Variants in GPHN observed in about 807,000 individuals in gnomAD.
GPHN encodes the protein gephyrin.
In GPHN, 17 loss-of-function variants were observed where a neutral mutation model predicts 95.5. The ratio of observed to expected loss-of-function variants is 0.18; its 90% CI spans 0.12 to 0.27. The LOEUF (loss-of-function observed/expected upper bound fraction) is 0.27. Among genes scored for constraint, GPHN ranks in the 10% least tolerant of loss-of-function variants. GPHN has a pLI of 1.00. For synonymous variants in GPHN, 320 were observed against 322.5 expected (o/e 0.99, Z 0.08); for missense variants, 660 against 978.1 (o/e 0.67, Z 4.34).
At chr14:66,659,682 T>G (rs1232572198) in intron 1 of GPHN, among the ~76,000 whole-genome samples, 1 of 152,136 alleles carries the variant, frequency 6.6e-6, no homozygotes, top group East Asian at 1.9e-4. Flanking sequence ...TGCCTCTCTG[T>G]CTCTGGTAAT....
chr14:66,709,585 T>A, intron 2 of GPHN: 1 of 328,896 alleles, frequency 3.0e-6, no homozygotes, highest in South Asian at 2.4e-5. Context: ...GGCACATAAT[T>A]TAAAACCTAA....
chr14:67,288,495 T>G, the GPHN span, among the ~76,000 whole-genome samples: 1 of 152,204 alleles, frequency 6.6e-6, no homozygotes, highest in Non-Finnish European at 1.5e-5. Flanking sequence ...AGTTATAGAC[T>G]CCATCTTTAC....
chr14:67,595,162 A>T, the GPHN span, among the ~76,000 whole-genome samples: 2 of 152,182 alleles, frequency 1.3e-5, no homozygotes, highest in Admixed American at 6.5e-5. Context: ...AAAAAAATAA[A>T]AAAGAACACT....
At chr14:67,146,652 C>A (rs958408131) in intron 18 of GPHN, among the ~76,000 whole-genome samples, 1 of 152,150 alleles carries the variant, frequency 6.6e-6, no homozygotes, top group African/African-American at 2.4e-5. Context: ...ATGAGGTTTG[C>A]CCAGTTATTT....
chr14:67,317,674 A>G, the GPHN span, among the ~76,000 whole-genome samples: 1 of 152,332 alleles, frequency 6.6e-6, no homozygotes, highest in Admixed American at 6.5e-5. Flanking sequence ...ACTATTTAGC[A>G]TATGTAGTAT....
chr14:67,418,037 TG>T, the GPHN span, among the ~76,000 whole-genome samples: 1 of 152,198 alleles, frequency 6.6e-6, no homozygotes, highest in East Asian at 1.9e-4. Flanking sequence ...TGAGCCACCA[TG>T]CCCGGCCTGG....
At chr14:66,510,595 T>C (rs2139673457) in intron 1 of GPHN, among the ~76,000 whole-genome samples, 1 of 152,290 alleles carries the variant, frequency 6.6e-6, no homozygotes, top group South Asian at 2.1e-4. Context: ...GAGTTTGGGG[T>C]TAACTGCAAA....
chr14:66,989,893 A>C (rs2071288429), intron 9 of GPHN, among the ~76,000 whole-genome samples: 1 of 152,192 alleles, frequency 6.6e-6, no homozygotes, highest in Non-Finnish European at 1.5e-5. Flanking sequence ...AAAATGAAGT[A>C]AATTGGCATT....
At chr14:67,578,189 C>G in the GPHN span, 5 of 1,613,392 alleles carry the variant, frequency 3.1e-6, no homozygotes, top group African/African-American at 2.7e-5. The surrounding 1 kb of genome is among the most constrained non-coding windows in gnomAD (Gnocchi z 5.0). Flanking sequence ...CAGAAGTACT[C>G]CCTCATGCAG....
chr14:66,845,819 CTGTGTGTGTGTG>C lies in GPHN; in HGVS notation c.294+21283_294+21294del, dbSNP rs367997271. ...TTAGGTAATGTGCACATACATGCCT[CTGTGTGTGTGTG>C]TGTGTGTGTGTGTGTGTGTGTGTGT... On this transcript the variant is annotated intron_variant, in intron 4 of 22. Coordinates refer to ENST00000478722, the MANE Select transcript of GPHN (RefSeq NM_020806.5). Among the ~76,000 whole-genome samples, 204 of 143,402 alleles carry C rather than the reference CTGTGTGTGTGTG, an allele frequency of 1.4e-3. 2 individuals are homozygous for C. The highest frequency in any genetic ancestry group is 4.9e-3 in the African/African-American group (194 of 39,262). The allele number at this position is 143,402 out of a possible 152,430, so 94.1% of individuals were successfully genotyped here. A position where few individuals can be genotyped will look rare whatever the true frequency, so the allele number is the denominator to read the frequency against.
At chr14:67,328,257 T>C in the GPHN span, among the ~76,000 whole-genome samples, 3 of 152,262 alleles carry the variant, frequency 2.0e-5, no homozygotes, top group African/African-American at 7.2e-5. Flanking sequence ...TTTTCATGTG[T>C]CTGTTGGCTG....
chr14:66,611,724 A>G (rs1161312792), intron 1 of GPHN, among the ~76,000 whole-genome samples: 1 of 152,136 alleles, frequency 6.6e-6, no homozygotes, highest in Non-Finnish European at 1.5e-5. Flanking sequence ...ATGTAACTTG[A>G]TATTTGCTCT....
At chr14:66,533,077 A>G (rs1477621284) in intron 1 of GPHN, among the ~76,000 whole-genome samples, 2 of 152,200 alleles carry the variant, frequency 1.3e-5, no homozygotes, top group African/African-American at 4.8e-5. Flanking sequence ...CTCCCTAGCC[A>G]TCTATTTGTT....
chr14:67,637,695 T>G, the GPHN span, among the ~76,000 whole-genome samples: 1 of 152,214 alleles, frequency 6.6e-6, no homozygotes. Flanking sequence ...GCTGGCATCA[T>G]GTATTTGTTG....
rs1595179993 is a variant in GPHN at position 66,601,816 on chromosome 14, A to T, written c.65-79291A>T. On this transcript the variant is annotated intron_variant, in intron 1 of 22. Coordinates refer to ENST00000478722, the MANE Select transcript of GPHN (RefSeq NM_020806.5). ...TGCTGAAATACAAAGATTTTCCCCC[A>T]TATACAATACTTTTGTAATATACTC... Among the ~76,000 whole-genome samples the T allele has an allele frequency of 5.3e-5, 8 of 152,124 alleles. 1 individual carries two copies. The highest frequency in any genetic ancestry group is 5.2e-4 in the Admixed American group (8 of 15,280).
chr14:66,823,601 A>T (rs2061286055), intron 3 of GPHN, among the ~76,000 whole-genome samples: 1 of 152,046 alleles, frequency 6.6e-6, no homozygotes, highest in Admixed American at 6.6e-5. Context: ...CTTCATTTGG[A>T]GCTCTGAGCT....
chr14:67,193,761 A>G, the GPHN span, among the ~76,000 whole-genome samples: 31 of 141,556 alleles, frequency 2.2e-4, no homozygotes, highest in Middle Eastern at 4.1e-3. Flanking sequence ...TGGGCAACAC[A>G]GGAAGACCCA....
intron 9 of GPHN, among the ~76,000 whole-genome samples, chr14:66,978,142 G>A (rs946990522): frequency 1.3e-5 from 2 of 152,162 alleles, no homozygotes; most frequent in East Asian, 3.8e-4. Flanking sequence ...ACAATCATCT[G>A]AGCCATCAGC....
the GPHN span, among the ~76,000 whole-genome samples, chr14:67,356,847 G>A: frequency 6.6e-6 from 1 of 152,172 alleles, no homozygotes; most frequent in Non-Finnish European, 1.5e-5. Flanking sequence ...CTCAATGTGT[G>A]CATTTAACAT....
Sources: allele counts gnomAD v4.1 joint callset (sites outside exome capture counted in the v4.1 genomes callset), GRCh38; gene constraint gnomAD v4.1.1; non-coding constraint Gnocchi (gnomAD v3.1); transcripts MANE v1.5; gene names NCBI Gene and HGNC (gene_info 2026-07-23, HGNC 2026-07-21).